Variants in PLEKHA6 observed in about 807,000 individuals in gnomAD.
PLEKHA6 encodes pleckstrin homology domain containing A6, also known as pleckstrin homology domain-containing family A member 6.
A neutral mutation model predicts 116.7 loss-of-function variants in PLEKHA6; 60 were observed. That is an observed-to-expected ratio of 0.51 (90% confidence interval 0.42 to 0.64). PLEKHA6 has a LOEUF of 0.64. Ranked by LOEUF, PLEKHA6 falls within the 30% of genes least tolerant of loss-of-function variation. PLEKHA6 has a pLI of 0.00. For missense variants in PLEKHA6, 1,338 were observed against 1,422.7 expected (o/e 0.94, Z 0.96); for synonymous variants, 489 against 556.1 (o/e 0.88, Z 1.70).
intron 14 of PLEKHA6, among the ~76,000 whole-genome samples, chr1:204,245,255 A>G (rs945754373): frequency 1.3e-5 from 2 of 152,066 alleles, no homozygotes; most frequent in African/African-American, 4.8e-5. Flanking sequence ...CTGAGGTGTC[A>G]AGGAAAGCCA....
At chr1:204,352,217 T>C (rs1199370174) in intron 1 of PLEKHA6, among the ~76,000 whole-genome samples, 2 of 150,604 alleles carry the variant, frequency 1.3e-5, no homozygotes, top group Non-Finnish European at 1.5e-5. Context: ...CTACTAAAAA[T>C]ACCAAAATTA....
At position 204,295,135 on chromosome 1, in the gene PLEKHA6, A is replaced by T. The variant is rs146176363; in HGVS notation, c.-94-20326T>A. 2.0e-3 allele frequency among the ~76,000 whole-genome samples: 305 copies of T among 152,322 alleles called. 1 individual carries two copies. Among genetic ancestry groups the T allele is most frequent in the African/African-American group, 6.2e-3 (257 of 41,566 alleles). ...GGAGGTGGGCTTTTGTGTGTGTGTC[A>T]TGGTTGAAAGCAGTCCATTCTAAGG... On this transcript the variant is annotated intron_variant, in intron 1 of 22. Transcript: ENST00000272203.
chr1:204,245,047 C>A, intron 14 of PLEKHA6, 44 bp from the exon 15 acceptor site: 1 of 1,349,954 alleles, frequency 7.4e-7, no homozygotes, highest in Non-Finnish European at 9.6e-7. Flanking sequence ...AGGAGGGGTG[C>A]GGCCTGGTGG....
At chr1:204,303,190 C>CCTTGGCCT (rs1670985640) in intron 1 of PLEKHA6, among the ~76,000 whole-genome samples, 1 of 152,172 alleles carries the variant, frequency 6.6e-6, no homozygotes, top group Non-Finnish European at 1.5e-5. Context: ...ATCTCACACA[C>CCTTGGCCT]CTTGGCCTGG....
At chr1:204,278,983 T>C (rs1456346363) in intron 1 of PLEKHA6, among the ~76,000 whole-genome samples, 1 of 152,204 alleles carries the variant, frequency 6.6e-6, no homozygotes, top group Non-Finnish European at 1.5e-5. Context: ...TTCCTCTCCA[T>C]GAGAGAAGCT....
intron 1 of PLEKHA6, among the ~76,000 whole-genome samples, chr1:204,348,736 C>G (rs1300224630): frequency 6.6e-6 from 1 of 151,724 alleles, no homozygotes; most frequent in African/African-American, 2.4e-5. Flanking sequence ...CCATCTCCCC[C>G]ACCCTGCTGA....
intron 1 of PLEKHA6, chr1:204,299,711 G>T: frequency 1.2e-6 from 1 of 827,976 alleles, no homozygotes; most frequent in Non-Finnish European, 1.5e-6. Context: ...GCCCCCTCAT[G>T]TCTTCTTTAG....
In PLEKHA6 at chr1:204,285,333, A is replaced by T. The variant is rs182155191; in HGVS notation, c.-94-10524T>A. The stretch of plus-strand genomic sequence containing the variant: ...TAAACTAAGCTAAAAAGAAAGGAAA[A>T]TCTGCTGTCAACAACAAAAAGTTAA... On this transcript the variant is annotated intron_variant, in intron 1 of 22. Coordinates refer to ENST00000272203, the MANE Select transcript of PLEKHA6 (RefSeq NM_014935.5). Among the ~76,000 whole-genome samples the T allele has an allele frequency of 2.6e-5, 4 of 152,360 alleles. No homozygotes were observed. In the East Asian group the frequency reaches 7.7e-4, roughly 29 times the overall value.
intron 1 of PLEKHA6, among the ~76,000 whole-genome samples, chr1:204,350,018 T>C (rs1001185523): frequency 6.6e-6 from 1 of 152,328 alleles, no homozygotes; most frequent in Non-Finnish European, 1.5e-5. Context: ...AAAATTTCGA[T>C]GTCTTCCTTT....
intron 3 of PLEKHA6, 68 bp from the exon 4 acceptor site, chr1:204,268,380 C>G: frequency 7.2e-6 from 8 of 1,108,322 alleles, no homozygotes; most frequent in African/African-American, 1.5e-5. Context: ...TGCAAGGGAG[C>G]CACCCCTGCT....
At chr1:204,358,259 C>T (rs1337108718) in intron 1 of PLEKHA6, among the ~76,000 whole-genome samples, 20 of 152,212 alleles carry the variant, frequency 1.3e-4, no homozygotes, top group Admixed American at 1.2e-3. Flanking sequence ...AAGGAAAGCC[C>T]AGTGGCAGTG....
intron 1 of PLEKHA6, among the ~76,000 whole-genome samples, chr1:204,294,269 G>A (rs998555976): frequency 1.3e-5 from 2 of 152,136 alleles, no homozygotes; most frequent in Non-Finnish European, 2.9e-5. Context: ...ATTTCTTCTT[G>A]AAATAAGAAT....
At chr1:204,245,409 C>A (rs965511306) in intron 14 of PLEKHA6, among the ~76,000 whole-genome samples, 3 of 152,026 alleles carry the variant, frequency 2.0e-5, no homozygotes, top group Non-Finnish European at 4.4e-5. Context: ...AACAGTGTCT[C>A]TGAGTTGTTT....
At chr1:204,265,583 T>C (rs1666697615) in intron 5 of PLEKHA6, among the ~76,000 whole-genome samples, 1 of 152,354 alleles carries the variant, frequency 6.6e-6, no homozygotes, top group African/African-American at 2.4e-5. Context: ...CACTATCCTA[T>C]CTATCCTGCC....
At chr1:204,360,872 G>T (rs562682911), upstream of PLEKHA6, among the ~76,000 whole-genome samples, 9 of 152,302 alleles carry the variant, frequency 5.9e-5, no homozygotes, top group African/African-American at 2.2e-4. Context: ...CTCTGTTTCT[G>T]CTTAGACAAA....
At chr1:204,346,903 G>C in intron 1 of PLEKHA6, 2 of 1,286,378 alleles carry the variant, frequency 1.6e-6, no homozygotes, top group Non-Finnish European at 2.3e-6. Flanking sequence ...TTTCTCTTTG[G>C]CTTCTTTCTT....
chr1:204,354,052 A>C (rs1673353400), intron 1 of PLEKHA6, among the ~76,000 whole-genome samples: 1 of 152,216 alleles, frequency 6.6e-6, no homozygotes, highest in Non-Finnish European at 1.5e-5. Flanking sequence ...TAAGAGGCTA[A>C]TTGCAAGAAT....
chr1:204,314,696 T>C (rs1265015372), intron 1 of PLEKHA6, among the ~76,000 whole-genome samples: 3 of 152,214 alleles, frequency 2.0e-5, no homozygotes, highest in Non-Finnish European at 4.4e-5. Flanking sequence ...GTCAAGCTTG[T>C]CTTTCTTCTA....
chr1:204,294,564 A>G (rs1304378704), intron 1 of PLEKHA6, among the ~76,000 whole-genome samples: 1 of 152,176 alleles, frequency 6.6e-6, no homozygotes, highest in East Asian at 1.9e-4. Flanking sequence ...GCAACTTGAA[A>G]TTCCCTTCTC....
Sources: gnomAD v4.1 joint callset for allele counts (sites outside exome capture counted in the v4.1 genomes callset) on GRCh38, gnomAD v4.1.1 for gene constraint, MANE v1.5 for transcripts, NCBI Gene and HGNC (gene_info 2026-07-23, HGNC 2026-07-21) for gene names.